The following BCO1 variants were observed in gnomAD, a reference collection of about 807,000 sequenced individuals.
BCO1 encodes the protein beta-carotene oxygenase 1.
In BCO1, 54 loss-of-function variants were observed where a neutral mutation model predicts 56.3. The observed-to-expected ratio is 0.96, with a 90% CI of 0.77 to 1.20. BCO1 has a LOEUF of 1.20. Ranked by LOEUF, BCO1 falls within the 50% of genes most tolerant of loss-of-function variation. The pLI is 0.00. For synonymous variants in BCO1, 318 were observed against 266.1 expected, an observed-to-expected ratio of 1.20 and a Z score of -1.90; for missense variants, 801 against 690.9, an observed-to-expected ratio of 1.16 and a Z score of -1.79.
At chr16:81,262,030 G>A (rs894786463) in intron 3 of BCO1, 106 bp from the exon 4 acceptor site, 54 of 1,403,592 alleles carry the variant, frequency 3.8e-5, no homozygotes, top group South Asian at 2.7e-4. Context: ...GCACCCGGCC[G>A]AAGTAAAGCA....
intron 2 of BCO1, among the ~76,000 whole-genome samples, chr16:81,253,323 T>A (rs1165749391): frequency 6.6e-6 from 1 of 152,172 alleles, no homozygotes; most frequent in East Asian, 1.9e-4. Context: ...ACCTACTATG[T>A]GCACAGTGCT....
chr16:81,241,583 G>T (rs139112261), intron 1 of BCO1, among the ~76,000 whole-genome samples: 14 of 152,188 alleles, frequency 9.2e-5, no homozygotes, highest in Non-Finnish European at 1.2e-4. Flanking sequence ...AGACACTTGG[G>T]GGGTGGAGCT....
intron 7 of BCO1, among the ~76,000 whole-genome samples, chr16:81,273,821 T>C (rs1381990962): frequency 6.6e-6 from 1 of 152,192 alleles, no homozygotes; most frequent in Non-Finnish European, 1.5e-5. Context: ...TACCAAGACC[T>C]GATCTCTCTG....
At chr16:81,239,020 A>ATT (rs11339898) in intron 1 of BCO1, 48 bp downstream of exon 1, 6,566 of 1,312,512 alleles carry the variant, frequency 5.0e-3, no homozygotes, top group Middle Eastern at 5.7e-3. Context: ...TTATTTTATT[A>ATT]TTTTTTTTTT....
intron 8 of BCO1, among the ~76,000 whole-genome samples, chr16:81,283,204 A>G (rs1907979985): frequency 6.6e-6 from 1 of 152,164 alleles, no homozygotes; most frequent in African/African-American, 2.4e-5. Context: ...AGATTCTTCA[A>G]GAACATGGCT....
chr16:81,248,792 A>C (rs890725666), intron 2 of BCO1, among the ~76,000 whole-genome samples: 4 of 152,130 alleles, frequency 2.6e-5, no homozygotes, highest in African/African-American at 9.7e-5. Context: ...TGGGCAGATC[A>C]CCTGAAGTCG....
intron 1 of BCO1, 50 bp downstream of exon 1, chr16:81,239,022 T>TA (rs112636225): frequency 8.0e-4 from 698 of 874,256 alleles, no homozygotes; most frequent in Middle Eastern, 1.2e-3. Context: ...ATTTTATTAT[T>TA]TTTTTTTTTT....
intron 8 of BCO1, among the ~76,000 whole-genome samples, chr16:81,283,604 T>C (rs1283408754): frequency 6.6e-6 from 1 of 151,762 alleles, no homozygotes; most frequent in African/African-American, 2.4e-5. Context: ...AGTATGGGAG[T>C]GTTCCCTCTG....
At chr16:81,281,204 G>C (rs1400828079) in intron 8 of BCO1, among the ~76,000 whole-genome samples, 2 of 152,164 alleles carry the variant, frequency 1.3e-5, no homozygotes, top group Non-Finnish European at 2.9e-5. Flanking sequence ...TCAGCACTTT[G>C]GGAAGCTGAG....
At chr16:81,277,122 T>G (rs943448999) in intron 7 of BCO1, among the ~76,000 whole-genome samples, 6 of 150,130 alleles carry the variant, frequency 4.0e-5, no homozygotes, top group Non-Finnish European at 8.9e-5. Flanking sequence ...TCGCAACATA[T>G]GGCTAGCGAT....
chr16:81,257,674 G>A (rs184577473), intron 2 of BCO1, among the ~76,000 whole-genome samples: 2 of 151,832 alleles, frequency 1.3e-5, no homozygotes, highest in African/African-American at 2.4e-5. Flanking sequence ...TCAGGAGTTC[G>A]AGACCAGTCT....
intron 1 of BCO1, among the ~76,000 whole-genome samples, chr16:81,245,274 C>G (rs1001565097): frequency 3.9e-5 from 6 of 152,312 alleles, no homozygotes; most frequent in African/African-American, 1.4e-4. Context: ...AGGACAGGGA[C>G]AGTGTCTCCA....
At chr16:81,264,398 G>T (rs1236893177) in intron 4 of BCO1, among the ~76,000 whole-genome samples, 1 of 152,158 alleles carries the variant, frequency 6.6e-6, no homozygotes, top group African/African-American at 2.4e-5. Flanking sequence ...AGCTGTCTGA[G>T]TCCCTCAAAT....
chr16:81,262,478 C>A, intron 4 of BCO1, 195 bp downstream of exon 4: 1 of 633,910 alleles, frequency 1.6e-6, no homozygotes, highest in Non-Finnish European at 2.8e-6. Context: ...ATCTTCGTGT[C>A]TGTATCAGTT....
At chr16:81,275,451 G>T (rs144832284) in intron 7 of BCO1, among the ~76,000 whole-genome samples, 85 of 152,310 alleles carry the variant, frequency 5.6e-4, no homozygotes, top group African/African-American at 2.0e-3. Flanking sequence ...GCATGACCCC[G>T]CAGCTGAGTC....
rs148824103 is a variant in BCO1, at chr16:81,270,282, G to A, written c.967G>A (p.Val323Ile). 2.3e-5 allele frequency: 37 copies of A among 1,614,052 alleles called. No homozygotes were observed. The highest frequency in any genetic ancestry group is 6.7e-5 in the African/African-American group (5 of 74,904). ...YEEDGCIVFD[V>I]IAYEDNSLYQ... ...AGAGGACGGCTGCATCGTGTTTGAC[G>A]TCATTGCCTACGAGGACAACAGCCT... The change falls in exon 7 of 11, where the codon GTC (valine) becomes ATC (isoleucine). Residue 323 changes from valine to isoleucine, a missense_variant. Val to Ile is a conservative substitution (Grantham distance 29). Transcript: ENST00000258168.
At chr16:81,282,337 C>T (rs548988744) in intron 8 of BCO1, among the ~76,000 whole-genome samples, 3 of 152,014 alleles carry the variant, frequency 2.0e-5, no homozygotes, top group Non-Finnish European at 2.9e-5. Flanking sequence ...GCTGAGATTG[C>T]GCCACTGCAC....
chr16:81,281,016 A>T, intron 8 of BCO1, 54 bp downstream of exon 8: 1 of 1,293,008 alleles, frequency 7.7e-7, no homozygotes, highest in Non-Finnish European at 1.1e-6. Context: ...TTTCACAGGG[A>T]GCCCAGAGGC....
intron 2 of BCO1, among the ~76,000 whole-genome samples, chr16:81,251,185 A>G (rs1225811078): frequency 6.6e-6 from 1 of 152,176 alleles, no homozygotes; most frequent in Non-Finnish European, 1.5e-5. Flanking sequence ...TAGAGAAAAG[A>G]CTTTGGAGCA....
Sources: allele counts gnomAD v4.1 joint callset (sites outside exome capture counted in the v4.1 genomes callset), GRCh38; gene constraint gnomAD v4.1.1; transcripts MANE v1.5; gene names NCBI Gene and HGNC (gene_info 2026-07-23, HGNC 2026-07-21).